The following SPAG16 variants were observed in gnomAD, a reference collection of about 807,000 sequenced individuals.
SPAG16 encodes sperm-associated antigen 16 protein.
A neutral mutation model predicts 80.4 loss-of-function variants in SPAG16; 86 were observed. That is an observed-to-expected ratio of 1.07 (90% CI 0.90 to 1.28). The LOEUF (loss-of-function observed/expected upper bound fraction) is 1.28, where lower values mean the gene tolerates loss of function less well. SPAG16 is among the 50% of genes most tolerant of loss of function. SPAG16 has a pLI of 0.00. For synonymous variants in SPAG16, 294 were observed against 265.9 expected (o/e 1.11, Z -1.03); for missense variants, 870 against 765.3 (o/e 1.14, Z -1.61).
At chr2:214,375,118 C>T (rs1700052514) in intron 15 of SPAG16, among the ~76,000 whole-genome samples, 1 of 152,086 alleles carries the variant, frequency 6.6e-6, no homozygotes, top group East Asian at 1.9e-4. Flanking sequence ...CAGGCAGGTA[C>T]GTGTTAAAGA....
chr2:214,074,421 T>C (rs1196522576), intron 13 of SPAG16, among the ~76,000 whole-genome samples: 2 of 152,234 alleles, frequency 1.3e-5, no homozygotes, highest in South Asian at 4.1e-4. Flanking sequence ...ATAAACTATA[T>C]ACCTTAAAGT....
intron 15 of SPAG16, among the ~76,000 whole-genome samples, chr2:214,265,547 C>G (rs1472238039): frequency 6.6e-6 from 1 of 151,912 alleles, no homozygotes; most frequent in African/African-American, 2.4e-5. Flanking sequence ...TTCTCCCAGT[C>G]TTTAGTTTAT....
intron 10 of SPAG16, among the ~76,000 whole-genome samples, chr2:213,535,765 G>A (rs112706050): frequency 7.2e-4 from 109 of 152,202 alleles, no homozygotes; most frequent in Middle Eastern, 3.4e-3. Flanking sequence ...TAGCAATTAA[G>A]AGTGCAGGCT....
intron 10 of SPAG16, among the ~76,000 whole-genome samples, chr2:213,501,438 G>C (rs1306896142): frequency 6.6e-6 from 1 of 152,008 alleles, no homozygotes; most frequent in African/African-American, 2.4e-5. Context: ...AACAGCACTT[G>C]GTGAAAAAAA....
intron 14 of SPAG16, among the ~76,000 whole-genome samples, chr2:214,132,329 A>G (rs1301489382): frequency 1.3e-5 from 2 of 152,194 alleles, no homozygotes; most frequent in African/African-American, 2.4e-5. Context: ...TAATAAAAAG[A>G]TGATTTTTAA....
chr2:213,572,900 C>T (rs1170095927), intron 10 of SPAG16, among the ~76,000 whole-genome samples: 20 of 152,256 alleles, frequency 1.3e-4, no homozygotes, highest in South Asian at 1.0e-3. Context: ...ACTCCGTGGG[C>T]GTAGGACCCT....
intron 13 of SPAG16, among the ~76,000 whole-genome samples, chr2:214,029,953 A>G (rs149217560): frequency 6.6e-6 from 1 of 152,220 alleles, no homozygotes; most frequent in Non-Finnish European, 1.5e-5. Context: ...ACCACCTCCA[A>G]AAGTTTCCGT....
At chr2:213,841,237 T>A (rs1278751743) in intron 10 of SPAG16, among the ~76,000 whole-genome samples, 1 of 152,172 alleles carries the variant, frequency 6.6e-6, no homozygotes, top group Non-Finnish European at 1.5e-5. Flanking sequence ...GAGTAGTGGG[T>A]TGGTGCAATG....
intron 10 of SPAG16, among the ~76,000 whole-genome samples, chr2:213,773,904 G>A (rs1395401106): frequency 6.6e-6 from 1 of 152,036 alleles, no homozygotes; most frequent in East Asian, 1.9e-4. Context: ...TGTCTATCTG[G>A]TCCTCAAATA....
intron 10 of SPAG16, among the ~76,000 whole-genome samples, chr2:213,810,241 G>A (rs1315133366): frequency 6.6e-6 from 1 of 152,142 alleles, no homozygotes; most frequent in Non-Finnish European, 1.5e-5. Context: ...GAATAGCATG[G>A]ACATTAAGAA....
chr2:214,102,374 TG>T (rs146047800), intron 13 of SPAG16, among the ~76,000 whole-genome samples: 21,346 of 151,910 alleles, frequency 0.14, 1,681 homozygotes, highest in Admixed American at 0.19. Context: ...TGTCAAGTAT[TG>T]GCATCTGTGA....
intron 10 of SPAG16, among the ~76,000 whole-genome samples, chr2:213,583,609 T>TG (rs974354394): frequency 2.0e-5 from 3 of 152,040 alleles, no homozygotes; most frequent in Non-Finnish European, 2.9e-5. Flanking sequence ...TATTGACATT[T>TG]GGGGGGGTGG....
chr2:213,330,392 A>C (rs945000592), intron 5 of SPAG16, among the ~76,000 whole-genome samples: 1 of 152,192 alleles, frequency 6.6e-6, no homozygotes, highest in Non-Finnish European at 1.5e-5. Context: ...CGTGACCTGG[A>C]TGTGAGACAT....
intron 15 of SPAG16, among the ~76,000 whole-genome samples, chr2:214,289,031 G>A (rs1693598713): frequency 6.6e-6 from 1 of 152,152 alleles, no homozygotes; most frequent in Admixed American, 6.5e-5. Context: ...GCCTCCCAAA[G>A]TGCTGGGATT....
chr2:213,855,401 A>C (rs1163383112), intron 10 of SPAG16, among the ~76,000 whole-genome samples: 2 of 152,224 alleles, frequency 1.3e-5, no homozygotes. Context: ...CGGGTGGATC[A>C]CTTAACCTCT....
At chr2:214,144,432 G>A (rs534412436) in intron 14 of SPAG16, among the ~76,000 whole-genome samples, 1 of 20,302 alleles carries the variant, frequency 4.9e-5, no homozygotes, top group African/African-American at 1.0e-3. Context: ...TTCTATAATT[G>A]TTGTTTTAAT....
chr2:214,113,165 T>C (rs2053761696), intron 14 of SPAG16, among the ~76,000 whole-genome samples: 2 of 152,230 alleles, frequency 1.3e-5, no homozygotes, highest in African/African-American at 2.4e-5. Flanking sequence ...TTCTGGCTTG[T>C]AAGGTTTCTA....
intron 13 of SPAG16, among the ~76,000 whole-genome samples, chr2:214,078,379 C>T (rs968632660): frequency 1.3e-5 from 2 of 151,626 alleles, no homozygotes; most frequent in African/African-American, 4.8e-5. Flanking sequence ...ATAGTGAAAC[C>T]CCATATCTAC....
chr2:213,289,773 T>C (rs1391226240), intron 1 of SPAG16, among the ~76,000 whole-genome samples: 1 of 152,262 alleles, frequency 6.6e-6, no homozygotes, highest in Non-Finnish European at 1.5e-5. Flanking sequence ...GATTTCTGTC[T>C]ATAGTAGCTT....
Sources: gnomAD v4.1 joint callset for allele counts (sites outside exome capture counted in the v4.1 genomes callset) on GRCh38, gnomAD v4.1.1 for gene constraint, MANE v1.5 for transcripts, NCBI Gene and HGNC (gene_info 2026-07-23, HGNC 2026-07-21) for gene names.